CSMD1: variants seen among roughly 807,000 people sequenced by gnomAD.
The protein encoded by CSMD1 is CUB and Sushi multiple domains 1, also known as CUB and sushi domain-containing protein 1.
In CSMD1, 213 loss-of-function variants were observed where a neutral mutation model predicts 417.5. That is an observed-to-expected ratio of 0.51 (90% confidence interval 0.46 to 0.57). The LOEUF is 0.57. Ranked by LOEUF, CSMD1 falls within the 20% of genes least tolerant of loss-of-function variation. CSMD1 has a pLI of 0.00. For missense variants in CSMD1, 6,923 were observed against 4,529.7 expected (o/e 1.53, Z -15.17); for synonymous variants, 2,862 against 1,736.8 (o/e 1.65, Z -16.11).
At chr8:4,358,339 A>T (rs548264601) in intron 3 of CSMD1, among the ~76,000 whole-genome samples, 1 of 152,338 alleles carries the variant, frequency 6.6e-6, no homozygotes, top group South Asian at 2.1e-4. Flanking sequence ...TGTAAGGCCC[A>T]TGAGCTTAGA....
chr8:3,315,170 G>A (rs532897733), intron 23 of CSMD1, among the ~76,000 whole-genome samples: 2 of 152,166 alleles, frequency 1.3e-5, no homozygotes, highest in South Asian at 4.2e-4. Context: ...TGAAAAAAAG[G>A]GACAGTGTTT....
intron 8 of CSMD1, among the ~76,000 whole-genome samples, chr8:3,606,707 G>T (rs984597252): frequency 3.6e-5 from 4 of 112,352 alleles, no homozygotes; most frequent in Admixed American, 9.8e-5. Context: ...ATTTTACTTC[G>T]TTACAATTTT....
chr8:3,384,770 TA>T (rs2116794006), intron 18 of CSMD1, among the ~76,000 whole-genome samples: 1 of 125,534 alleles, frequency 8.0e-6, no homozygotes, highest in Non-Finnish European at 1.6e-5. Context: ...TATATAAATA[TA>T]TATTTATATA....
intron 7 of CSMD1, among the ~76,000 whole-genome samples, chr8:3,701,044 G>T (rs1441756867): frequency 1.3e-5 from 2 of 151,908 alleles, no homozygotes; most frequent in Non-Finnish European, 1.5e-5. Flanking sequence ...GGCAGTCAGG[G>T]CTCACCAAGA....
intron 10 of CSMD1, among the ~76,000 whole-genome samples, chr8:3,556,453 G>C (rs571328564): frequency 1.5e-5 from 2 of 137,742 alleles, no homozygotes; most frequent in African/African-American, 5.6e-5. Flanking sequence ...CCTGTGGGTT[G>C]AGATAATTTG....
At position 3,162,422 on chromosome 8, in the gene CSMD1, G is replaced by C. The variant is rs182871913; in HGVS notation, c.5726-145C>G. On this transcript the variant is annotated intron_variant, in intron 37 of 69. Coordinates refer to ENST00000635120, the MANE Select transcript of CSMD1 (RefSeq NM_033225.6). ...CTTTCTCTTGTTATTCTACCAAGAA[G>C]ACTTTGAGTACCTTTAAATCAGAGC... 3.0e-3 allele frequency: 1,879 copies of C among 622,892 alleles called. 53 individuals carry two copies. In the Admixed American group the frequency reaches 0.042, roughly 14 times the overall value. 38.6% of individuals were successfully genotyped at this position (622,892 alleles called of 1,614,324 possible).
chr8:3,119,749 G>C (rs1252925568), intron 41 of CSMD1, among the ~76,000 whole-genome samples: 4 of 152,178 alleles, frequency 2.6e-5, no homozygotes, highest in Non-Finnish European at 4.4e-5. Flanking sequence ...CAGTTCCCAT[G>C]AGACTGGGAA....
At chr8:2,960,941 T>TAG (rs569474779) in intron 62 of CSMD1, among the ~76,000 whole-genome samples, 200 bp downstream of exon 62, 2 of 80,992 alleles carry the variant, frequency 2.5e-5, no homozygotes, top group African/African-American at 6.7e-5. Context: ...GTAAGCAAGA[T>TAG]ATATATATAT....
intron 4 of CSMD1, among the ~76,000 whole-genome samples, chr8:4,022,616 C>A (rs1342547067): frequency 2.0e-5 from 3 of 152,100 alleles, no homozygotes; most frequent in Non-Finnish European, 2.9e-5. Flanking sequence ...TTGCGACAGT[C>A]CTAGAAACCA....
At chr8:3,094,008 T>C (rs1815128565) in intron 47 of CSMD1, among the ~76,000 whole-genome samples, 1 of 152,210 alleles carries the variant, frequency 6.6e-6, no homozygotes, top group African/African-American at 2.4e-5. Context: ...ATGCCACTGG[T>C]AAATTAATTA....
intron 7 of CSMD1, among the ~76,000 whole-genome samples, chr8:3,648,473 G>A (rs1052721785): frequency 6.6e-6 from 1 of 152,182 alleles, no homozygotes; most frequent in African/African-American, 2.4e-5. Context: ...GGACAAGATG[G>A]CTCTAACACA....
At chr8:3,870,645 C>G (rs1805418571) in intron 5 of CSMD1, among the ~76,000 whole-genome samples, 1 of 152,080 alleles carries the variant, frequency 6.6e-6, no homozygotes, top group South Asian at 2.1e-4. Context: ...ATGGGATCTA[C>G]TTATTTTTGC....
chr8:4,793,734 A>G (rs77753694), intron 1 of CSMD1, among the ~76,000 whole-genome samples: 10,456 of 151,550 alleles, frequency 0.069, 430 homozygotes, highest in African/African-American at 0.11. Context: ...GGGAAATGAC[A>G]TTCATTGGGA....
At chr8:4,458,241 T>G (rs922308612) in intron 2 of CSMD1, among the ~76,000 whole-genome samples, 1 of 152,144 alleles carries the variant, frequency 6.6e-6, no homozygotes, top group African/African-American at 2.4e-5. Flanking sequence ...CGGTCACACT[T>G]AAATGGTTGC....
chr8:4,508,959 C>CT (rs1802678532), intron 2 of CSMD1, among the ~76,000 whole-genome samples: 1 of 152,044 alleles, frequency 6.6e-6, no homozygotes, highest in Non-Finnish European at 1.5e-5. Context: ...TGAGGGCAGC[C>CT]TGAGCTTTCC....
intron 5 of CSMD1, among the ~76,000 whole-genome samples, chr8:3,946,379 T>G (rs1261392592): frequency 6.6e-6 from 1 of 152,188 alleles, no homozygotes; most frequent in African/African-American, 2.4e-5. Context: ...GGCCTGTCTC[T>G]GGATTTTCTC....
At chr8:3,641,402 C>G (rs990785467) in intron 7 of CSMD1, among the ~76,000 whole-genome samples, 42 of 152,074 alleles carry the variant, frequency 2.8e-4, no homozygotes, top group Non-Finnish European at 5.4e-4. Flanking sequence ...ATCTTAGAAG[C>G]AGAAATAAAA....
At chr8:4,303,806 C>A (rs1249824431) in intron 3 of CSMD1, among the ~76,000 whole-genome samples, 1 of 152,058 alleles carries the variant, frequency 6.6e-6, no homozygotes, top group Non-Finnish European at 1.5e-5. Flanking sequence ...CAGGCACACT[C>A]CACTCTCCCC....
At chr8:4,769,273 G>A (rs576913699) in intron 1 of CSMD1, among the ~76,000 whole-genome samples, 2 of 152,260 alleles carry the variant, frequency 1.3e-5, no homozygotes, top group African/African-American at 4.8e-5. Context: ...CAAATTGAGT[G>A]CCTGAAAGTA....
Sources: gnomAD v4.1 joint callset for allele counts (sites outside exome capture counted in the v4.1 genomes callset) on GRCh38, gnomAD v4.1.1 for gene constraint, MANE v1.5 for transcripts, NCBI Gene and HGNC (gene_info 2026-07-23, HGNC 2026-07-21) for gene names.